Variants in ADAMTS16 observed in about 807,000 individuals in gnomAD.
The protein encoded by ADAMTS16 is ADAM metallopeptidase with thrombospondin type 1 motif 16.
A neutral mutation model predicts 145.8 loss-of-function variants in ADAMTS16; 94 were observed. The observed-to-expected ratio is 0.64, with a 90% CI of 0.55 to 0.77. ADAMTS16 has a LOEUF of 0.77. ADAMTS16 is among the 30% of genes least tolerant of loss of function. The pLI is 0.00. For synonymous variants in ADAMTS16, 659 were observed against 604.3 expected, an observed-to-expected ratio of 1.09 and a Z score of -1.33; for missense variants, 1,585 against 1,591.5, an observed-to-expected ratio of 1.00 and a Z score of 0.07.
At chr5:5,318,895 G>A in intron 22 of ADAMTS16, 128 bp from the exon 23 acceptor site, 1 of 673,198 alleles carries the variant, frequency 1.5e-6, no homozygotes, top group Non-Finnish European at 2.6e-6. Context: ...TCAGACCTGG[G>A]GGCTGCCTCT....
intron 18 of ADAMTS16, among the ~76,000 whole-genome samples, chr5:5,273,287 G>T (rs1383675021): frequency 2.6e-5 from 4 of 152,234 alleles, no homozygotes; most frequent in Non-Finnish European, 5.9e-5. Flanking sequence ...GCACTTTGGG[G>T]CAAGTGGACG....
At chr5:5,212,249 C>G (rs184103090) in intron 10 of ADAMTS16, among the ~76,000 whole-genome samples, 1 of 143,098 alleles carries the variant, frequency 7.0e-6, no homozygotes, top group East Asian at 2.4e-4. Flanking sequence ...GCTCTGTCAC[C>G]CAGGCTGGAG....
intron 3 of ADAMTS16, among the ~76,000 whole-genome samples, chr5:5,167,662 G>A (rs1386210234): frequency 2.0e-5 from 3 of 152,166 alleles, no homozygotes; most frequent in Non-Finnish European, 2.9e-5. Flanking sequence ...CAGAAATATC[G>A]TAGCCACTTC....
rs1351867677 is a variant in ADAMTS16 at position 5,292,514 on chromosome 5, AATAAT to A, written c.2790-10752_2790-10748del. On this transcript the variant is annotated intron_variant, in intron 18 of 22. Transcript: ENST00000274181. ...CTCCAGCTCAAATAATAATAATAAT[AATAAT>A]AATAATAATTTTAAAAATAAAAAAT... Among the ~76,000 whole-genome samples, 6 of 150,758 alleles carry A rather than the reference AATAAT, an allele frequency of 4.0e-5. No homozygotes were observed. The South Asian group carries it at 1.0e-3, about 26-fold the overall frequency.
chr5:5,229,344 C>T (rs906361724), intron 11 of ADAMTS16, among the ~76,000 whole-genome samples: 1 of 150,052 alleles, frequency 6.7e-6, no homozygotes, highest in Non-Finnish European at 1.5e-5. Context: ...AGTTGCTAAC[C>T]AATTGGGATA....
At position 5,166,561 on chromosome 5, in the gene ADAMTS16, G is replaced by A. The variant is rs369936455; in HGVS notation, c.502-15483G>A. On this transcript the variant is annotated intron_variant, in intron 3 of 22. Coordinates refer to ENST00000274181, the MANE Select transcript of ADAMTS16 (RefSeq NM_139056.4). ...CCTGGGCTGTATTCCCAGAGACAAC[G>A]CTGCAAAGTTGTCAGTAGAGGGTGA... Among the ~76,000 whole-genome samples, 11 of 152,286 alleles carry A rather than the reference G, an allele frequency of 7.2e-5. No individual in the cohort carries two copies. In the South Asian group the frequency reaches 1.0e-3, roughly 14 times the overall value.
At chr5:5,296,750 G>A (rs749644008) in intron 18 of ADAMTS16, among the ~76,000 whole-genome samples, 31 of 152,166 alleles carry the variant, frequency 2.0e-4, no homozygotes, top group Non-Finnish European at 4.4e-4. Context: ...CGTTGGACAT[G>A]AGAACTTTGG....
chr5:5,195,570 A>G (rs1735779132), intron 8 of ADAMTS16, among the ~76,000 whole-genome samples: 1 of 152,224 alleles, frequency 6.6e-6, no homozygotes, highest in South Asian at 2.1e-4. Flanking sequence ...ATGCAAGTGT[A>G]ATTTAGGTTG....
intron 5 of ADAMTS16, among the ~76,000 whole-genome samples, chr5:5,187,297 G>A (rs897214404): frequency 1.3e-5 from 2 of 152,034 alleles, no homozygotes; most frequent in Non-Finnish European, 2.9e-5. Flanking sequence ...CTCTAATTGT[G>A]TCTTTCTCTC....
chr5:5,309,270 C>T (rs956579573), intron 21 of ADAMTS16, among the ~76,000 whole-genome samples: 4 of 152,198 alleles, frequency 2.6e-5, no homozygotes, highest in Non-Finnish European at 4.4e-5. Flanking sequence ...ACATGCTGCA[C>T]ACTTCTTCGT....
intron 18 of ADAMTS16, among the ~76,000 whole-genome samples, chr5:5,289,306 C>A (rs1009421300): frequency 6.6e-6 from 1 of 152,188 alleles, no homozygotes; most frequent in South Asian, 2.1e-4. Flanking sequence ...ATGTAAGGTG[C>A]GACTGGTTTG....
intron 18 of ADAMTS16, among the ~76,000 whole-genome samples, chr5:5,278,870 T>A (rs186266514): frequency 6.6e-6 from 1 of 151,146 alleles, no homozygotes; most frequent in East Asian, 1.9e-4. Flanking sequence ...ATAAGTGTCA[T>A]GGATAAAAAT....
At chr5:5,220,326 A>AT (rs1414117213) in intron 10 of ADAMTS16, among the ~76,000 whole-genome samples, 3 of 149,202 alleles carry the variant, frequency 2.0e-5, no homozygotes, top group Non-Finnish European at 4.5e-5. Flanking sequence ...CGCCTGGCTA[A>AT]TTTTTTATAT....
intron 21 of ADAMTS16, among the ~76,000 whole-genome samples, chr5:5,315,450 C>CA (rs34004364): frequency 0.44 from 64,825 of 147,234 alleles, 13,953 homozygotes; most frequent in Admixed American, 0.47. Flanking sequence ...TTAAATGATA[C>CA]AAAAAAAAAA....
chr5:5,305,558 AC>A (rs879774895), intron 20 of ADAMTS16, among the ~76,000 whole-genome samples: 54,742 of 148,970 alleles, frequency 0.37, 10,369 homozygotes, highest in East Asian at 0.48. Context: ...ACACACACAC[AC>A]ACGTCAGAGC....
At chr5:5,166,260 C>CAT (rs1734876479) in intron 3 of ADAMTS16, among the ~76,000 whole-genome samples, 1 of 151,834 alleles carries the variant, frequency 6.6e-6, no homozygotes, top group Non-Finnish European at 1.5e-5. Flanking sequence ...CACACACACA[C>CAT]ACAAACACAC....
At chr5:5,162,356 A>T (rs577223767) in intron 3 of ADAMTS16, among the ~76,000 whole-genome samples, 12 of 152,314 alleles carry the variant, frequency 7.9e-5, no homozygotes, top group Middle Eastern at 3.4e-3. Flanking sequence ...ACCTGCCAAA[A>T]GTTGACATCT....
intron 17 of ADAMTS16, among the ~76,000 whole-genome samples, chr5:5,245,522 T>G (rs1737415934): frequency 6.6e-6 from 1 of 152,240 alleles, no homozygotes; most frequent in Non-Finnish European, 1.5e-5. Context: ...AGACTTCTAC[T>G]TGCATAGACC....
At chr5:5,198,670 C>T (rs1006768924) in intron 8 of ADAMTS16, among the ~76,000 whole-genome samples, 17 of 152,138 alleles carry the variant, frequency 1.1e-4, no homozygotes, top group African/African-American at 2.2e-4. Flanking sequence ...TAAAATGGTG[C>T]GTGCTTATAA....
Sources: gnomAD v4.1 joint callset for allele counts (sites outside exome capture counted in the v4.1 genomes callset) on GRCh38, gnomAD v4.1.1 for gene constraint, MANE v1.5 for transcripts, NCBI Gene and HGNC (gene_info 2026-07-23, HGNC 2026-07-21) for gene names.